AK7: variants seen among roughly 807,000 people sequenced by gnomAD.
AK7 encodes the protein adenylate kinase 7, also known as ATP-AMP transphosphorylase 7.
AK7 carries 78 observed loss-of-function variants against 96.6 expected under a neutral mutation model. That is an observed-to-expected ratio of 0.81 (90% confidence interval 0.67 to 0.97). The LOEUF is 0.97. AK7 is among the 50% of genes least tolerant of loss of function. The pLI, the probability that AK7 is intolerant of heterozygous loss-of-function variation, is 0.00. For synonymous variants in AK7, 302 were observed against 317.2 expected (o/e 0.95, Z 0.51); for missense variants, 855 against 887.9 (o/e 0.96, Z 0.47).
intron 14 of AK7, among the ~76,000 whole-genome samples, chr14:96,475,379 A>G (rs1895117995): frequency 6.6e-6 from 1 of 152,280 alleles, no homozygotes; most frequent in African/African-American, 2.4e-5. Flanking sequence ...AAGCAAGAAC[A>G]AGGGGAAAGG....
intron 12 of AK7, among the ~76,000 whole-genome samples, chr14:96,462,953 T>A (rs995707337): frequency 6.6e-5 from 10 of 151,696 alleles, no homozygotes; most frequent in Admixed American, 1.3e-4. Context: ...CTGGCCAACA[T>A]GGTGAAACCC....
intron 8 of AK7, among the ~76,000 whole-genome samples, 197 bp from the exon 9 acceptor site, chr14:96,449,605 T>C (rs776196431): frequency 2.0e-5 from 3 of 152,186 alleles, no homozygotes; most frequent in African/African-American, 4.8e-5. Context: ...GGCTAACTTT[T>C]GTATTTTTCG....
In AK7 at chr14:96,473,220, GAGTGC is replaced by G. The variant is rs567436992; in HGVS notation, c.1555+470_1555+474del. Among the ~76,000 whole-genome samples the G allele has an allele frequency of 1.8e-4, 26 of 148,486 alleles. No individual in the cohort carries two copies. The East Asian group carries it at 4.6e-3, about 26-fold the overall frequency. ...GAGTCTTGCCCTGTTGCCCAGGCTGGAGTGCAGTGGCGCGATCTCAGCTCACTGCA... is the reference window on the plus strand; with the variant it reads ...GAGTCTTGCCCTGTTGCCCAGGCTGGAGTGGCGCGATCTCAGCTCACTGCA... On this transcript the variant is annotated intron_variant, in intron 14 of 17. Transcript: ENST00000267584.
At position 96,449,807 on chromosome 14, in the gene AK7, C is replaced by G. The variant is rs1893477978; in HGVS notation, c.876C>G (p.Ile292Met). Residue 292 changes from isoleucine (I) to methionine (M), a missense_variant, in exon 9 of 18, where the codon ATC (isoleucine) becomes ATG (methionine). Ile to Met is a conservative substitution (Grantham distance 10). Transcript: ENST00000267584. ...VHTLEDIVKC[I>M]SKNTGPGKIQ... The stretch of plus-strand genomic sequence containing the variant: ...TTTCGATTTTCCTCTAACAGTGTAT[C>G]AGTAAAAATACTGGCCCTGGGAAAA... The G allele has an allele frequency of 1.9e-6, 3 of 1,607,414 alleles. No individual in the cohort carries two copies. In the Admixed American group the frequency reaches 5.0e-5, roughly 27 times the overall value.
Position 96,451,524 on chromosome 14 carries a change from A to C in AK7, c.1052A>C (p.Asn351Thr), listed in dbSNP as rs1893605476. 1.3e-6 allele frequency: 2 copies of C among 1,597,954 alleles called. No homozygotes were observed. The highest frequency in any genetic ancestry group is 2.3e-5 in the South Asian group (2 of 88,498). Residue 351 changes from asparagine to threonine, a missense_variant, in exon 10 of 18, where the codon AAT (asparagine) becomes ACT (threonine). By Grantham distance (65) the Asn-to-Thr change is moderately conservative (BLOSUM62 0). Transcript: ENST00000267584. ...GCTGCCCAAACAGGATTTGTGGAAA[A>C]TATCAACACTATCCTCAAGGAGTAC... ...RWAAQTGFVENINTILKEYKQ... is the reference protein window; with the variant it reads ...RWAAQTGFVETINTILKEYKQ...
At chr14:96,468,707 G>A (rs563331468) in intron 12 of AK7, among the ~76,000 whole-genome samples, 44 of 152,174 alleles carry the variant, frequency 2.9e-4, no homozygotes, top group African/African-American at 8.9e-4. Context: ...CTCAAATGCC[G>A]TCCCTCACAT....
chr14:96,464,950 C>G (rs972214301), intron 12 of AK7, among the ~76,000 whole-genome samples: 1 of 152,162 alleles, frequency 6.6e-6, no homozygotes, highest in Non-Finnish European at 1.5e-5. Context: ...ATATTCATGA[C>G]CAAGTCTCCA....
chr14:96,469,913 G>A (rs1894790720), intron 12 of AK7, among the ~76,000 whole-genome samples: 1 of 152,124 alleles, frequency 6.6e-6, no homozygotes, highest in African/African-American at 2.4e-5. Context: ...CGCCTCCCGG[G>A]TTCAAGCGAT....
chr14:96,449,076 G>T (rs552059412), intron 8 of AK7, among the ~76,000 whole-genome samples: 1 of 152,260 alleles, frequency 6.6e-6, no homozygotes, highest in African/African-American at 2.4e-5. Flanking sequence ...TGGTGGAGAG[G>T]CTAAGGCACT....
chr14:96,433,334 C>G (rs2140072599), intron 5 of AK7, among the ~76,000 whole-genome samples: 1 of 152,314 alleles, frequency 6.6e-6, no homozygotes, highest in South Asian at 2.1e-4. Context: ...GGTCTTTTCA[C>G]ATAGTCCAAT....
intron 13 of AK7, among the ~76,000 whole-genome samples, chr14:96,472,319 G>T (rs779906855): frequency 2.0e-4 from 30 of 152,084 alleles, no homozygotes; most frequent in Non-Finnish European, 3.7e-4. Flanking sequence ...GCATGACCAC[G>T]CCCGACTAAT....
At chr14:96,457,304 G>A (rs893677799) in intron 11 of AK7, among the ~76,000 whole-genome samples, 3 of 151,914 alleles carry the variant, frequency 2.0e-5, no homozygotes, top group Non-Finnish European at 4.4e-5. Context: ...CAGGTGATCC[G>A]CCCGCCTTGG....
chr14:96,475,403 C>T (rs1443252636), intron 14 of AK7, among the ~76,000 whole-genome samples: 1 of 152,056 alleles, frequency 6.6e-6, no homozygotes, highest in East Asian at 1.9e-4. Context: ...AGATCAATGC[C>T]GTTGTTGGGG....
At position 96,446,996 on chromosome 14, in the gene AK7, A is replaced by G. The variant is rs76281218; in HGVS notation, c.870+389A>G. On this transcript the variant is annotated intron_variant, in intron 8 of 17. Transcript: ENST00000267584. Reference sequence around the variant, plus strand: ...AATAAATTAAAAAGTTTTGCCCCCAATCAGTTGTGCTAACAAAACTGGGAC... The same window carrying G: ...AATAAATTAAAAAGTTTTGCCCCCAGTCAGTTGTGCTAACAAAACTGGGAC... 7.1e-4 allele frequency among the ~76,000 whole-genome samples: 108 copies of G among 152,276 alleles called. 1 individual carries two copies. Among genetic ancestry groups the G allele is most frequent in the African/African-American group, 2.5e-3 (105 of 41,580 alleles).
chr14:96,427,850 A>G (rs1892118588), intron 5 of AK7, among the ~76,000 whole-genome samples: 1 of 152,080 alleles, frequency 6.6e-6, no homozygotes, highest in South Asian at 2.1e-4. Context: ...ATTTCTGCCA[A>G]AAACATATGG....
rs369897374 is a variant in AK7, at chr14:96,465,763, G to A, written c.1358-5715G>A. Among the ~76,000 whole-genome samples the A allele has an allele frequency of 7.4e-4, 112 of 152,136 alleles. 2 individuals are homozygous for A. The East Asian group carries it at 0.019, about 25-fold the overall frequency. On this transcript the variant is annotated intron_variant, in intron 12 of 17. Coordinates refer to ENST00000267584, the MANE Select transcript of AK7 (RefSeq NM_152327.5). ...GCAGTGGCTCACGCCTATAATCCCA[G>A]CACTTTGGGAGGCCGAGGCAGGCAG...
intron 12 of AK7, among the ~76,000 whole-genome samples, chr14:96,459,253 G>A (rs1312329366): frequency 4.6e-5 from 7 of 151,922 alleles, no homozygotes; most frequent in East Asian, 1.9e-4. Flanking sequence ...CAGGAGAATC[G>A]CTTGAACCCG....
At position 96,458,173 on chromosome 14, in the gene AK7, C is replaced by A; in HGVS notation, c.1318C>A (p.Leu440Ile). ...EEENVEDAQE[L>I]LDGIKESMEQ... ...GGAGAATGTGGAAGATGCACAGGAG[C>A]TCCTAGATGGCATCAAGGAGAGCAT... Residue 440 changes from leucine (L) to isoleucine (I), a missense_variant, in exon 12 of 18, where the codon CTC becomes ATC. Transcript: ENST00000267584. The A allele has an allele frequency of 6.2e-7, 1 of 1,614,002 alleles. No individual in the cohort carries two copies. Among genetic ancestry groups the A allele is most frequent in the Non-Finnish European group, 8.5e-7 (1 of 1,179,962 alleles).
chr14:96,483,323 A>G, intron 16 of AK7, 104 bp downstream of exon 16: 1 of 1,169,618 alleles, frequency 8.5e-7, no homozygotes, highest in South Asian at 1.5e-5. Flanking sequence ...GCTCTAGGGA[A>G]ATGTCATGGA....
Sources: allele counts gnomAD v4.1 joint callset (sites outside exome capture counted in the v4.1 genomes callset), GRCh38; gene constraint gnomAD v4.1.1; transcripts MANE v1.5; gene names NCBI Gene and HGNC (gene_info 2026-07-23, HGNC 2026-07-21).